JAKMIP1: variants seen among roughly 807,000 people sequenced by gnomAD.
The protein encoded by JAKMIP1 is janus kinase and microtubule-interacting protein 1.
In JAKMIP1, 33 loss-of-function variants were observed where a neutral mutation model predicts 113.0. That is an observed-to-expected ratio of 0.29 (90% CI 0.22 to 0.39). The LOEUF (loss-of-function observed/expected upper bound fraction) is 0.39, where lower values mean the gene tolerates loss of function less well. Among genes scored for constraint, JAKMIP1 ranks in the 10% least tolerant of loss-of-function variants. The pLI is 1.00. For synonymous variants in JAKMIP1, 480 were observed against 459.9 expected (o/e 1.04, Z -0.56); for missense variants, 813 against 1,080.5 (o/e 0.75, Z 3.47).
rs1259021147 is a variant in JAKMIP1 at position 6,168,312 on chromosome 4, C to T, written c.-148+31941G>A. 6.6e-6 allele frequency among the ~76,000 whole-genome samples: 1 copy of T among 152,180 alleles called. No individual in the cohort carries two copies. The highest frequency in any genetic ancestry group is 1.5e-5 in the Non-Finnish European group (1 of 68,028). On this transcript the variant is annotated intron_variant, in intron 1 of 20. Transcript: ENST00000409021. This position sits in a 1 kb window ranked among gnomAD's most constrained non-coding sequence, Gnocchi z 4.6. ...AATATGTAACTGAAAGATGGGAAAACATATGTGCACACAAAAACATGTACA... is the reference window on the plus strand; with the variant it reads ...AATATGTAACTGAAAGATGGGAAAATATATGTGCACACAAAAACATGTACA...
intron 2 of JAKMIP1, among the ~76,000 whole-genome samples, chr4:6,107,576 G>A (rs73198057): frequency 0.11 from 16,180 of 152,186 alleles, 1,122 homozygotes; most frequent in East Asian, 0.38. Context: ...AGAGAAGACC[G>A]AGGTCCCCTG....
rs370155350 is a variant in JAKMIP1 at position 6,082,485 on chromosome 4, C to T, written c.955-730G>A. On this transcript the variant is annotated intron_variant, in intron 5 of 20. Coordinates refer to ENST00000409021, the MANE Select transcript of JAKMIP1 (RefSeq NM_001099433.2). ...TCTTCTTCATGGCATTTTTTTTTTTCGAGACAGAAGGTAGGTAAAATGACA... is the reference window on the plus strand; with the variant it reads ...TCTTCTTCATGGCATTTTTTTTTTTTGAGACAGAAGGTAGGTAAAATGACA... Among the ~76,000 whole-genome samples, 89 of 147,746 alleles carry T rather than the reference C, an allele frequency of 6.0e-4. No homozygotes were observed. The Middle Eastern group carries it at 0.01, about 17-fold the overall frequency.
intron 1 of JAKMIP1, among the ~76,000 whole-genome samples, chr4:6,172,723 G>A (rs1236487648): frequency 6.6e-6 from 1 of 152,190 alleles, no homozygotes; most frequent in African/African-American, 2.4e-5. Context: ...ATGTTTGATT[G>A]AGAAAACTTA....
At position 6,158,358 on chromosome 4, in the gene JAKMIP1, G is replaced by A. The variant is rs1417400485; in HGVS notation, c.-148+41895C>T. 6.6e-6 allele frequency among the ~76,000 whole-genome samples: 1 copy of A among 152,222 alleles called. No individual in the cohort carries two copies. Among genetic ancestry groups the A allele is most frequent in the Non-Finnish European group, 1.5e-5 (1 of 68,042 alleles). On this transcript the variant is annotated intron_variant, in intron 1 of 20. Transcript: ENST00000409021. The surrounding 1 kb of genome is among the most constrained non-coding windows in gnomAD (Gnocchi z 5.3). Reference sequence around the variant, plus strand: ...TGTCTGCCTCCCAGTCTGTATCCATGTAGGAATCTCAGTGATGGCCACAGG... The same window carrying A: ...TGTCTGCCTCCCAGTCTGTATCCATATAGGAATCTCAGTGATGGCCACAGG...
At chr4:6,169,256 C>T (rs1435068880) in intron 1 of JAKMIP1, among the ~76,000 whole-genome samples, 1 of 152,120 alleles carries the variant, frequency 6.6e-6, no homozygotes, top group Non-Finnish European at 1.5e-5. Flanking sequence ...AAGTAGGGTT[C>T]CTGCAGGTGT....
At position 6,069,100 on chromosome 4, in the gene JAKMIP1, C is replaced by T. The variant is rs186477239; in HGVS notation, c.1303-4092G>A. Among the ~76,000 whole-genome samples, 2 of 152,234 alleles carry T rather than the reference C, an allele frequency of 1.3e-5. No individual in the cohort carries two copies. ...GTGGCTATCTTCCTTGAAGGCAATG[C>T]AACTGGTTTTGCACTGCATTTTCAA... is the stretch of plus-strand genomic sequence containing the variant. On this transcript the variant is annotated intron_variant, in intron 8 of 20. Transcript: ENST00000409021. This position sits in a 1 kb window ranked among gnomAD's most constrained non-coding sequence, Gnocchi z 4.5.
chr4:6,033,565 T>C (rs1275281256), intron 19 of JAKMIP1, among the ~76,000 whole-genome samples: 1 of 152,214 alleles, frequency 6.6e-6, no homozygotes, highest in Admixed American at 6.5e-5. Context: ...GTGTTGATTG[T>C]ACCCATTCTA....
rs140054678 is a variant in JAKMIP1 at position 6,140,556 on chromosome 4, G to A, written c.-147-27559C>T. Among the ~76,000 whole-genome samples, 63 of 152,182 alleles carry A rather than the reference G, an allele frequency of 4.1e-4. No individual in the cohort carries two copies. The highest frequency in any genetic ancestry group is 1.2e-3 in the Admixed American group (19 of 15,288). ...CTTTCTGCAGGGTCAGAGGGAAGTC[G>A]GCCCGCTAGGTGACAGTGGTTCACA... On this transcript the variant is annotated intron_variant, in intron 1 of 20. Coordinates refer to ENST00000409021, the MANE Select transcript of JAKMIP1 (RefSeq NM_001099433.2). The surrounding 1 kb of genome is among the most constrained non-coding windows in gnomAD (Gnocchi z 9.4).
chr4:6,114,106 C>G (rs1715376077), intron 1 of JAKMIP1, among the ~76,000 whole-genome samples: 2 of 152,280 alleles, frequency 1.3e-5, no homozygotes, highest in African/African-American at 4.8e-5. Context: ...AAGTCAGCTA[C>G]CTAAATCCAC....
intron 18 of JAKMIP1, among the ~76,000 whole-genome samples, chr4:6,038,244 A>C (rs947151910): frequency 6.7e-6 from 1 of 149,138 alleles, no homozygotes; most frequent in Non-Finnish European, 1.5e-5. Context: ...ACCGAGGCAG[A>C]GGTTAACCCA....
At position 6,031,287 on chromosome 4, in the gene JAKMIP1, G is replaced by A. The variant is rs1041245089; in HGVS notation, c.2380-1506C>T. 2.0e-5 allele frequency among the ~76,000 whole-genome samples: 3 copies of A among 152,030 alleles called. No homozygotes were observed. Among genetic ancestry groups the A allele is most frequent in the South Asian group, 2.1e-4 (1 of 4,818 alleles). ...TCTACTAAAAATACAAAAATGAGCC[G>A]GGCTTGGTGGTGCGCTCCTGTAGGG... is the stretch of plus-strand genomic sequence containing the variant. On this transcript the variant is annotated intron_variant, in intron 19 of 20. Coordinates refer to ENST00000409021, the MANE Select transcript of JAKMIP1 (RefSeq NM_001099433.2). The surrounding 1 kb of genome is among the most constrained non-coding windows in gnomAD (Gnocchi z 4.4).
rs989795260 is a variant in JAKMIP1, at chr4:6,140,988, C to T, written c.-147-27991G>A. Among the ~76,000 whole-genome samples the T allele has an allele frequency of 7.9e-5, 12 of 152,156 alleles. No individual in the cohort carries two copies. Among genetic ancestry groups the T allele is most frequent in the Admixed American group, 2.0e-4 (3 of 15,282 alleles). Reference sequence around the variant, plus strand: ...TGCCTAAGACCCCAGAGCTGGGTGACGGCAGAGCCAGCCCTGTGGGCCAGG... The same window carrying T: ...TGCCTAAGACCCCAGAGCTGGGTGATGGCAGAGCCAGCCCTGTGGGCCAGG... On this transcript the variant is annotated intron_variant, in intron 1 of 20. Coordinates refer to ENST00000409021, the MANE Select transcript of JAKMIP1 (RefSeq NM_001099433.2). The surrounding 1 kb of genome is among the most constrained non-coding windows in gnomAD (Gnocchi z 9.4).
At chr4:6,182,207 C>T (rs1295007414) in intron 1 of JAKMIP1, among the ~76,000 whole-genome samples, 1 of 151,646 alleles carries the variant, frequency 6.6e-6, no homozygotes, top group African/African-American at 2.4e-5. Context: ...GAGCTCAGTT[C>T]AAGACCAGCT....
Position 6,178,409 on chromosome 4 carries a change from T to A in JAKMIP1, c.-148+21844A>T, listed in dbSNP as rs1725639238. 6.6e-6 allele frequency among the ~76,000 whole-genome samples: 1 copy of A among 152,218 alleles called. No homozygotes were observed. The highest frequency in any genetic ancestry group is 2.4e-5 in the African/African-American group (1 of 41,456). ...GGCAGTTTACCCCATACTATTCTCA[T>A]GATAGTGAGTAAGCTCTATTTGATC... On this transcript the variant is annotated intron_variant, in intron 1 of 20. Coordinates refer to ENST00000409021, the MANE Select transcript of JAKMIP1 (RefSeq NM_001099433.2). This position sits in a 1 kb window ranked among gnomAD's most constrained non-coding sequence, Gnocchi z 5.5.
At chr4:6,035,866 G>A (rs1233442533) in intron 19 of JAKMIP1, 38 bp downstream of exon 19, 1 of 1,507,336 alleles carries the variant, frequency 6.6e-7, no homozygotes, top group Non-Finnish European at 8.9e-7. Context: ...CAACAAGGGT[G>A]CCGGGGTGCT....
chr4:6,110,134 T>C (rs1714676386), intron 2 of JAKMIP1, among the ~76,000 whole-genome samples: 1 of 152,124 alleles, frequency 6.6e-6, no homozygotes, highest in African/African-American at 2.4e-5. Flanking sequence ...CTGAAAATCA[T>C]ATGTTGAAGT....
At chr4:6,035,049 T>C (rs890980159) in intron 19 of JAKMIP1, among the ~76,000 whole-genome samples, 1 of 152,196 alleles carries the variant, frequency 6.6e-6, no homozygotes, top group African/African-American at 2.4e-5. Flanking sequence ...GCCCTCCAGA[T>C]TGTGAACTTG....
In JAKMIP1 at chr4:6,106,008, C is replaced by G. The variant is rs780196507; in HGVS notation, c.130-41G>C. The stretch of plus-strand genomic sequence containing the variant: ...CGAGAGAGCCGGTCAGGGTCAGGGT[C>G]AGGGTCAGGGTCAGGGTCAGGGTCA... On this transcript the variant is annotated intron_variant, in intron 2 of 20. Coordinates refer to ENST00000409021, the MANE Select transcript of JAKMIP1 (RefSeq NM_001099433.2). This position sits in a 1 kb window ranked among gnomAD's most constrained non-coding sequence, Gnocchi z 5.9. The G allele has an allele frequency of 8.4e-7, 1 of 1,195,736 alleles. No individual in the cohort carries two copies. Among genetic ancestry groups the G allele is most frequent in the South Asian group, 1.4e-5 (1 of 69,254 alleles). 74.1% of individuals were successfully genotyped at this position (1,195,736 alleles called of 1,614,324 possible). A position where few individuals can be genotyped will look rare whatever the true frequency, so the allele number is the denominator to read the frequency against.
chr4:6,051,827 G>C lies in JAKMIP1; in HGVS notation c.1807-1148C>G, dbSNP rs557376881. Among the ~76,000 whole-genome samples the C allele has an allele frequency of 6.6e-6, 1 of 152,364 alleles. No individual in the cohort carries two copies. Among genetic ancestry groups the C allele is most frequent in the Non-Finnish European group, 1.5e-5 (1 of 68,036 alleles). ...AGGTCTCAGATGTGTTTCCTGCACA[G>C]AATGGACTTTAAACACTTTAGCGAT... On this transcript the variant is annotated intron_variant, in intron 13 of 20. Transcript: ENST00000409021. The surrounding 1 kb of genome is among the most constrained non-coding windows in gnomAD (Gnocchi z 5.0).
Sources: gnomAD v4.1 joint callset for allele counts (sites outside exome capture counted in the v4.1 genomes callset) on GRCh38, gnomAD v4.1.1 for gene constraint, Gnocchi (gnomAD v3.1) non-coding constraint, MANE v1.5 for transcripts, NCBI Gene and HGNC (gene_info 2026-07-23, HGNC 2026-07-21) for gene names.